The following SPAG16 variants were observed in gnomAD, a reference collection of about 807,000 sequenced individuals.
SPAG16 encodes the protein sperm associated antigen 16.
In SPAG16, 86 loss-of-function variants were observed where a neutral mutation model predicts 80.4. The observed-to-expected ratio is 1.07, with a 90% CI of 0.90 to 1.28. The LOEUF is 1.28. Among genes scored for constraint, SPAG16 ranks in the 50% most tolerant of loss-of-function variants. The probability of loss-of-function intolerance (pLI) is 0.00; values close to 1 mark genes in which losing one functional copy is unlikely to be tolerated. For synonymous variants in SPAG16, 294 were observed against 265.9 expected (o/e 1.11, Z -1.03); for missense variants, 870 against 765.3 (o/e 1.14, Z -1.61).
At chr2:213,470,955 C>A (rs1559165942) in intron 9 of SPAG16, among the ~76,000 whole-genome samples, 2 of 152,216 alleles carry the variant, frequency 1.3e-5, no homozygotes, top group African/African-American at 4.8e-5. Flanking sequence ...TCAAGCCAAA[C>A]CATTGGCTAC....
At position 213,928,742 on chromosome 2, in the gene SPAG16, C is replaced by T. The variant is rs534200693; in HGVS notation, c.1215-1218C>T. On this transcript the variant is annotated intron_variant, in intron 11 of 15. Transcript: ENST00000331683. ...GTGCCGTAGAAACAGAGATGAAATG[C>T]AATTCTCCATCATAAAACAGTCTGG... Among the ~76,000 whole-genome samples the T allele has an allele frequency of 7.9e-5, 12 of 152,170 alleles. No individual in the cohort carries two copies. In the East Asian group the frequency reaches 2.3e-3, roughly 29 times the overall value.
intron 10 of SPAG16, among the ~76,000 whole-genome samples, chr2:213,763,451 C>T (rs1167831597): frequency 6.6e-6 from 1 of 152,110 alleles, no homozygotes; most frequent in African/African-American, 2.4e-5. Context: ...ACTGCATGAT[C>T]TCACTTATAT....
chr2:213,890,589 CTG>C (rs71955587), intron 11 of SPAG16, among the ~76,000 whole-genome samples: 90,017 of 151,396 alleles, frequency 0.59, 28,611 homozygotes, highest in South Asian at 0.85. Flanking sequence ...TTAAAGATGA[CTG>C]TTATTTATTA....
At chr2:214,230,963 A>AT (rs1156587361) in intron 15 of SPAG16, among the ~76,000 whole-genome samples, 2 of 152,032 alleles carry the variant, frequency 1.3e-5, no homozygotes, top group Non-Finnish European at 2.9e-5. Context: ...TTGAGAAACC[A>AT]TATCCATCCC....
chr2:213,305,341 C>T (rs893205984), intron 3 of SPAG16, among the ~76,000 whole-genome samples: 1 of 152,010 alleles, frequency 6.6e-6, no homozygotes, highest in Non-Finnish European at 1.5e-5. Flanking sequence ...TTTGGATGCC[C>T]TTTATTTCCT....
At chr2:214,317,251 G>C (rs572874649) in intron 15 of SPAG16, among the ~76,000 whole-genome samples, 6 of 152,200 alleles carry the variant, frequency 3.9e-5, no homozygotes, top group Non-Finnish European at 7.3e-5. Flanking sequence ...ATAAGGCCAA[G>C]AATTTAAGTC....
chr2:214,297,892 T>C (rs1694249554), intron 15 of SPAG16, among the ~76,000 whole-genome samples: 1 of 151,450 alleles, frequency 6.6e-6, no homozygotes, highest in South Asian at 2.1e-4. Context: ...ATGACATTAG[T>C]AATTTGATAG....
intron 9 of SPAG16, among the ~76,000 whole-genome samples, chr2:213,481,060 A>T (rs1043219915): frequency 2.0e-5 from 3 of 152,254 alleles, no homozygotes; most frequent in African/African-American, 7.2e-5. Context: ...TGAACGCAAC[A>T]TGACAAGCCA....
intron 10 of SPAG16, among the ~76,000 whole-genome samples, chr2:213,520,237 A>C (rs2075608093): frequency 6.6e-6 from 1 of 152,066 alleles, no homozygotes; most frequent in South Asian, 2.1e-4. Flanking sequence ...CAGCCTCCAG[A>C]AGGAATATGC....
At chr2:214,008,144 C>G (rs1297327197) in intron 12 of SPAG16, among the ~76,000 whole-genome samples, 4 of 151,954 alleles carry the variant, frequency 2.6e-5, no homozygotes, top group Non-Finnish European at 5.9e-5. Context: ...TCCTTCAGTA[C>G]CCAATCTGAT....
At chr2:213,682,213 C>T (rs2064426769) in intron 10 of SPAG16, among the ~76,000 whole-genome samples, 1 of 152,186 alleles carries the variant, frequency 6.6e-6, no homozygotes, top group Non-Finnish European at 1.5e-5. Context: ...GGGAATTTTA[C>T]ACCTGCATAG....
At chr2:213,683,810 C>G (rs1052785329) in intron 10 of SPAG16, among the ~76,000 whole-genome samples, 1 of 152,036 alleles carries the variant, frequency 6.6e-6, no homozygotes, top group Non-Finnish European at 1.5e-5. Context: ...AAAAACTAGG[C>G]CAGTGTACTA....
chr2:213,782,390 G>T (rs964127804), intron 10 of SPAG16, among the ~76,000 whole-genome samples: 3 of 152,030 alleles, frequency 2.0e-5, no homozygotes, highest in Non-Finnish European at 2.9e-5. Flanking sequence ...GGTACCTAAT[G>T]GAAGAGCATT....
chr2:214,105,968 A>G (rs146938892), intron 13 of SPAG16, among the ~76,000 whole-genome samples: 1 of 152,054 alleles, frequency 6.6e-6, no homozygotes, highest in Admixed American at 6.6e-5. Context: ...TTATAACCCC[A>G]TATTTCCAGG....
At chr2:213,505,856 C>A (rs986742057) in intron 10 of SPAG16, among the ~76,000 whole-genome samples, 4 of 151,964 alleles carry the variant, frequency 2.6e-5, no homozygotes, top group African/African-American at 7.3e-5. Flanking sequence ...GCAGTTAAGA[C>A]CTTGTGACTA....
At chr2:213,996,547 T>C (rs2046524545) in intron 12 of SPAG16, among the ~76,000 whole-genome samples, 1 of 150,586 alleles carries the variant, frequency 6.6e-6, no homozygotes, top group Non-Finnish European at 1.5e-5. Flanking sequence ...ATGAGGAAGC[T>C]CTCCTACTAA....
intron 10 of SPAG16, among the ~76,000 whole-genome samples, chr2:213,793,783 G>A (rs2070850406): frequency 6.6e-6 from 1 of 152,044 alleles, no homozygotes; most frequent in Non-Finnish European, 1.5e-5. Flanking sequence ...TTCGCTCTGT[G>A]GTCCAGTTTG....
chr2:214,382,160 C>T (rs1700485272), intron 15 of SPAG16, among the ~76,000 whole-genome samples: 1 of 152,204 alleles, frequency 6.6e-6, no homozygotes, highest in African/African-American at 2.4e-5. Context: ...ATTTATGGCT[C>T]ACCCACGTGA....
At chr2:214,094,999 G>A (rs550216984) in intron 13 of SPAG16, among the ~76,000 whole-genome samples, 66 of 152,072 alleles carry the variant, frequency 4.3e-4, no homozygotes, top group African/African-American at 1.6e-3. Flanking sequence ...GACTGCTTAA[G>A]GACTTTCTAA....
Sources: allele counts gnomAD v4.1 joint callset (sites outside exome capture counted in the v4.1 genomes callset), GRCh38; gene constraint gnomAD v4.1.1; transcripts MANE v1.5; gene names NCBI Gene and HGNC (gene_info 2026-07-23, HGNC 2026-07-21).